BBS9: variants seen among roughly 807,000 people sequenced by gnomAD.
BBS9 encodes Bardet-Biedl syndrome 9.
Under a neutral mutation model 117.7 loss-of-function variants are expected in BBS9, and 89 were observed. The ratio of observed to expected loss-of-function variants is 0.76; its 90% confidence interval spans 0.64 to 0.90. The LOEUF is 0.90. Among genes scored for constraint, BBS9 ranks in the 40% least tolerant of loss-of-function variants. BBS9 has a pLI of 0.00. For synonymous variants in BBS9, 379 were observed against 370.9 expected, an observed-to-expected ratio of 1.02 and a Z score of -0.25; for missense variants, 982 against 1,042.2, an observed-to-expected ratio of 0.94 and a Z score of 0.80.
chr7:33,421,118 T>G (rs1017589608), intron 19 of BBS9, among the ~76,000 whole-genome samples: 3 of 152,172 alleles, frequency 2.0e-5, no homozygotes, highest in Non-Finnish European at 1.5e-5. Context: ...ATAAAGCAGG[T>G]TTAAGTCATT....
intron 5 of BBS9, among the ~76,000 whole-genome samples, chr7:33,252,800 A>G (rs537329597): frequency 1.3e-5 from 2 of 152,248 alleles, no homozygotes; most frequent in East Asian, 3.9e-4. Flanking sequence ...AATATTTCAT[A>G]TCTTAATAGA....
At chr7:33,551,782 A>G (rs937626603) in intron 21 of BBS9, among the ~76,000 whole-genome samples, 2 of 152,206 alleles carry the variant, frequency 1.3e-5, no homozygotes, top group Non-Finnish European at 2.9e-5. Context: ...AAAGAATGCC[A>G]GCTGTTGACC....
intron 11 of BBS9, 138 bp downstream of exon 11, chr7:33,341,111 T>C (rs1816449594): frequency 2.8e-6 from 2 of 722,558 alleles, no homozygotes; most frequent in Non-Finnish European, 4.8e-6. Context: ...GCCTTGTTAT[T>C]TTCTAGATAA....
At chr7:33,354,448 A>T (rs766271433) in intron 15 of BBS9, among the ~76,000 whole-genome samples, 1 of 152,156 alleles carries the variant, frequency 6.6e-6, no homozygotes, top group Non-Finnish European at 1.5e-5. Context: ...TGAGCAGTGT[A>T]AAACATGAAT....
chr7:33,448,177 C>T (rs1253641060), intron 19 of BBS9, among the ~76,000 whole-genome samples: 1 of 152,106 alleles, frequency 6.6e-6, no homozygotes, highest in Non-Finnish European at 1.5e-5. Context: ...TGCAGCGTTG[C>T]CTTGGTTTCC....
At chr7:33,594,439 C>T (rs1037746484) in intron 21 of BBS9, among the ~76,000 whole-genome samples, 2 of 149,424 alleles carry the variant, frequency 1.3e-5, no homozygotes, top group African/African-American at 4.9e-5. Flanking sequence ...CATTGTTTTG[C>T]AAAAACAGGG....
At chr7:33,174,807 T>C (rs1310902738) in intron 4 of BBS9, among the ~76,000 whole-genome samples, 2 of 152,182 alleles carry the variant, frequency 1.3e-5, no homozygotes, top group Non-Finnish European at 2.9e-5. Flanking sequence ...TCTTTCTGGT[T>C]TCTTGGAGGC....
intron 19 of BBS9, among the ~76,000 whole-genome samples, chr7:33,500,503 G>T (rs761203620): frequency 3.9e-5 from 6 of 152,318 alleles, no homozygotes; most frequent in Admixed American, 1.3e-4. Flanking sequence ...ATCGGGAAGT[G>T]GGGGGACAGG....
chr7:33,142,985 T>C (rs1791741115), intron 1 of BBS9, among the ~76,000 whole-genome samples: 1 of 152,096 alleles, frequency 6.6e-6, no homozygotes, highest in East Asian at 1.9e-4. Context: ...CTTTTTTTTT[T>C]TTGAGATGGA....
intron 20 of BBS9, among the ~76,000 whole-genome samples, chr7:33,513,686 A>T (rs2129029703): frequency 6.6e-6 from 1 of 152,352 alleles, no homozygotes; most frequent in African/African-American, 2.4e-5. Flanking sequence ...GATAGATTAT[A>T]GTCAAACCAC....
intron 19 of BBS9, among the ~76,000 whole-genome samples, chr7:33,480,611 T>A (rs1275361696): frequency 6.6e-6 from 1 of 152,218 alleles, no homozygotes. Flanking sequence ...TTTTGTGTTA[T>A]CACTTGCTTA....
rs752177003 is a variant in BBS9, at chr7:33,533,950, C to T, written c.2299-4C>T. 1 of 1,614,176 alleles carries T rather than the reference C, an allele frequency of 6.2e-7. No individual in the cohort carries two copies. Among genetic ancestry groups the T allele is most frequent in the Non-Finnish European group, 8.5e-7 (1 of 1,180,028 alleles). On this transcript the variant is annotated splice_region_variant and splice_polypyrimidine_tract_variant and intron_variant, in intron 20 of 22. Coordinates refer to ENST00000242067, the MANE Select transcript of BBS9 (RefSeq NM_198428.3). ...ATTAATTCAAAATTGGCTTTTGTAT[C>T]CAGGGCTGGGAAGAAACGGTGGATG...
At chr7:33,390,113 C>T (rs1056731815) in intron 19 of BBS9, 11 of 315,942 alleles carry the variant, frequency 3.5e-5, no homozygotes, top group African/African-American at 2.0e-4. Context: ...TTTCCTTTTC[C>T]TTTTTCCCAT....
chr7:33,164,905 T>C (rs555383353), intron 4 of BBS9, among the ~76,000 whole-genome samples: 1 of 152,332 alleles, frequency 6.6e-6, no homozygotes, highest in South Asian at 2.1e-4. Flanking sequence ...CGTTGGTTGA[T>C]GCAGTTTCTT....
chr7:33,537,943 T>C (rs1851710785), intron 21 of BBS9, among the ~76,000 whole-genome samples: 4 of 152,332 alleles, frequency 2.6e-5, no homozygotes, highest in Non-Finnish European at 4.4e-5. Context: ...TTAAACTTAA[T>C]TTCAACTAGG....
chr7:33,208,946 A>G (rs1347873560), intron 5 of BBS9, among the ~76,000 whole-genome samples: 1 of 152,226 alleles, frequency 6.6e-6, no homozygotes, highest in Non-Finnish European at 1.5e-5. Flanking sequence ...CCTTTGTATT[A>G]CAAACGATCC....
chr7:33,405,707 T>C (rs994094166), intron 19 of BBS9, among the ~76,000 whole-genome samples: 5 of 152,344 alleles, frequency 3.3e-5, no homozygotes, highest in Admixed American at 6.5e-5. Context: ...TTATCATTTT[T>C]TATTGCATCT....
intron 17 of BBS9, among the ~76,000 whole-genome samples, chr7:33,376,702 T>C (rs2128733223): frequency 6.6e-6 from 1 of 152,332 alleles, no homozygotes; most frequent in South Asian, 2.1e-4. Context: ...CTTGCTAGCC[T>C]CTGTTATTTT....
At chr7:33,236,678 G>A (rs1793581424) in intron 5 of BBS9, among the ~76,000 whole-genome samples, 1 of 151,908 alleles carries the variant, frequency 6.6e-6, no homozygotes, top group South Asian at 2.1e-4. Flanking sequence ...TATTAATGGG[G>A]TACAATGTAA....
Sources: gnomAD v4.1 joint callset for allele counts (sites outside exome capture counted in the v4.1 genomes callset) on GRCh38, gnomAD v4.1.1 for gene constraint, MANE v1.5 for transcripts, NCBI Gene and HGNC (gene_info 2026-07-23, HGNC 2026-07-21) for gene names.